Variants in PHF2 observed in about 807,000 individuals in gnomAD.
The protein encoded by PHF2 is lysine-specific demethylase PHF2.
In PHF2, 27 loss-of-function variants were observed where a neutral mutation model predicts 120.5. The observed-to-expected ratio is 0.22, with a 90% CI of 0.17 to 0.31. PHF2 has a LOEUF of 0.31. PHF2 is among the 10% of genes least tolerant of loss of function. PHF2 has a pLI of 1.00. For missense variants in PHF2, 1,024 were observed against 1,434.8 expected (o/e 0.71, Z 4.63); for synonymous variants, 568 against 592.5 (o/e 0.96, Z 0.60).
At chr9:93,645,453 G>T (rs765666553) in intron 3 of PHF2, among the ~76,000 whole-genome samples, 176 bp from the exon 4 acceptor site, 9 of 152,242 alleles carry the variant, frequency 5.9e-5, no homozygotes, top group African/African-American at 1.2e-4. Flanking sequence ...CACGGCATCT[G>T]CCCTGGCTGC....
rs147153751 is a variant in PHF2 at position 93,619,486 on chromosome 9, G to A, written c.99-10484G>A. Among the ~76,000 whole-genome samples the A allele has an allele frequency of 2.1e-3, 313 of 152,350 alleles. 2 individuals are homozygous for A. The highest frequency in any genetic ancestry group is 3.6e-3 in the Non-Finnish European group (242 of 68,028). On this transcript the variant is annotated intron_variant, in intron 1 of 21. Transcript: ENST00000359246. ...AGGGTGGAGGCCAAGAAGGCGACTCGTGGGGTGGTGGATGCGGGCCTTCAC... is the reference window on the plus strand; with the variant it reads ...AGGGTGGAGGCCAAGAAGGCGACTCATGGGGTGGTGGATGCGGGCCTTCAC...
chr9:93,582,673 G>A (rs1319327707), intron 1 of PHF2, among the ~76,000 whole-genome samples: 1 of 152,150 alleles, frequency 6.6e-6, no homozygotes, highest in Non-Finnish European at 1.5e-5. Context: ...ACTCACAGAA[G>A]AACATATGAA....
intron 1 of PHF2, among the ~76,000 whole-genome samples, chr9:93,614,122 A>G (rs1233260767): frequency 4.6e-5 from 7 of 152,358 alleles, no homozygotes; most frequent in Admixed American, 2.6e-4. Context: ...ACCTTAGACC[A>G]TGGCCACCTC....
intron 1 of PHF2, among the ~76,000 whole-genome samples, chr9:93,624,233 C>G (rs73522245): frequency 6.6e-6 from 1 of 152,086 alleles, no homozygotes; most frequent in Non-Finnish European, 1.5e-5. Context: ...GAGTGCTCAG[C>G]CAGAGTTAGT....
chr9:93,592,276 G>A (rs1451674361), intron 1 of PHF2, among the ~76,000 whole-genome samples: 1 of 152,148 alleles, frequency 6.6e-6, no homozygotes, highest in Non-Finnish European at 1.5e-5. Flanking sequence ...TGCAGGGGCT[G>A]CTGGTCCCCA....
At chr9:93,625,686 C>G (rs978839323) in intron 1 of PHF2, among the ~76,000 whole-genome samples, 1 of 151,576 alleles carries the variant, frequency 6.6e-6, no homozygotes, top group African/African-American at 2.4e-5. Context: ...CCATGTTGGT[C>G]AGGCTGGTCT....
intron 1 of PHF2, among the ~76,000 whole-genome samples, chr9:93,600,749 C>T (rs1464190423): frequency 6.6e-6 from 1 of 152,228 alleles, no homozygotes; most frequent in Non-Finnish European, 1.5e-5. Flanking sequence ...AGCAGCCACA[C>T]CCAGACCCTG....
intron 1 of PHF2, among the ~76,000 whole-genome samples, chr9:93,587,366 GTGAGGGACGGAGGAGCCTCAGA>G (rs1428209983): frequency 4.0e-5 from 6 of 150,528 alleles, no homozygotes; most frequent in Admixed American, 6.6e-5. Context: ...AGAGCCCTGG[GTGAGGGACGGAGGAGCCTCAGA>G]TGAGGGACGG....
chr9:93,584,573 G>A (rs1862999872), intron 1 of PHF2, among the ~76,000 whole-genome samples: 1 of 152,172 alleles, frequency 6.6e-6, no homozygotes, highest in African/African-American at 2.4e-5. Context: ...TTTATTTCTG[G>A]ACTCTCAGTT....
chr9:93,641,440 T>C (rs1826171176), intron 3 of PHF2, among the ~76,000 whole-genome samples: 1 of 152,226 alleles, frequency 6.6e-6, no homozygotes, highest in Non-Finnish European at 1.5e-5. Context: ...TATGATTTTC[T>C]GTCTCCTCAG....
intron 10 of PHF2, among the ~76,000 whole-genome samples, chr9:93,658,707 C>T (rs968539493): frequency 3.9e-5 from 6 of 151,992 alleles, no homozygotes; most frequent in African/African-American, 7.3e-5. Flanking sequence ...GACACCCTGT[C>T]GGCTCCTCCT....
At chr9:93,595,929 G>A (rs954717641) in intron 1 of PHF2, among the ~76,000 whole-genome samples, 1 of 152,200 alleles carries the variant, frequency 6.6e-6, no homozygotes, top group African/African-American at 2.4e-5. Flanking sequence ...TGGTGATACT[G>A]TACTCTTTCA....
chr9:93,601,751 C>T (rs1344082393), intron 1 of PHF2, among the ~76,000 whole-genome samples: 1 of 152,086 alleles, frequency 6.6e-6, no homozygotes, highest in Non-Finnish European at 1.5e-5. Context: ...TGTTTAGGCA[C>T]CCCTGTCCCT....
chr9:93,672,938 G>A (rs1826835021), intron 17 of PHF2, among the ~76,000 whole-genome samples: 1 of 151,742 alleles, frequency 6.6e-6, no homozygotes, highest in Non-Finnish European at 1.5e-5. Context: ...AGGTACAGGT[G>A]TAGATGCACG....
rs1011774438 is a variant in PHF2 at position 93,677,504 on chromosome 9, G to A, written c.3203-84G>A. The A allele has an allele frequency of 1.3e-5, 13 of 989,146 alleles. No homozygotes were observed. The highest frequency in any genetic ancestry group is 1.9e-5 in the Non-Finnish European group (12 of 628,584). 61.3% of individuals were successfully genotyped at this position (989,146 alleles called of 1,614,324 possible). On this transcript the variant is annotated intron_variant, in intron 21 of 21. Transcript: ENST00000359246. This position sits in a 1 kb window ranked among gnomAD's most constrained non-coding sequence, Gnocchi z 4.4. ...CTGCAGGCTGCCCCTTAGTGTCAGC[G>A]GGACCCTCCCCCCCACCGGCATGCC...
chr9:93,645,767 C>A lies in PHF2; in HGVS notation c.438C>A (p.Val146=). The A allele has an allele frequency of 6.2e-7, 1 of 1,603,506 alleles. No homozygotes were observed. The highest frequency in any genetic ancestry group is 8.5e-7 in the Non-Finnish European group (1 of 1,175,004). The change falls in exon 4 of 22, where the codon GTC becomes GTA. Residue 146 remains valine (V), a synonymous_variant. Transcript: ENST00000359246. The part of the protein sequence containing the change: ...GLAVPAPTFY[V]SDVENYVGPE... Reference sequence around the variant, plus strand: ...CTGTCCCGGCCCCCACGTTCTATGTCAGTGACGTCGAGAACTACGTGGGTA... The same window carrying A: ...CTGTCCCGGCCCCCACGTTCTATGTAAGTGACGTCGAGAACTACGTGGGTA...
intron 1 of PHF2, among the ~76,000 whole-genome samples, chr9:93,585,118 G>A (rs905270340): frequency 6.6e-6 from 1 of 152,240 alleles, no homozygotes. Context: ...TGCGCAGGGT[G>A]CTGCCCACCC....
chr9:93,576,806 G>A lies in PHF2; in HGVS notation c.33G>A (p.Arg11=), dbSNP rs1862826032. MATVPVYCVC[R]LPYDVTRFMI... ...CGGTGCCCGTGTACTGCGTCTGCCG[G>A]CTCCCCTACGACGTTACCCGCTTCA... Residue 11 remains arginine, a synonymous_variant, in exon 1 of 22, where the codon CGG becomes CGA. Coordinates refer to ENST00000359246, the MANE Select transcript of PHF2 (RefSeq NM_005392.4). The A allele has an allele frequency of 1.6e-6, 2 of 1,287,656 alleles. No individual in the cohort carries two copies. The highest frequency in any genetic ancestry group is 2.3e-4 in the Middle Eastern group (1 of 4,418). The allele number at this position is 1,287,656 out of a possible 1,614,324, so 79.8% of individuals were successfully genotyped here. A position where few individuals can be genotyped will look rare whatever the true frequency, so the allele number is the denominator to read the frequency against.
intron 1 of PHF2, among the ~76,000 whole-genome samples, chr9:93,580,152 C>A (rs904601406): frequency 6.6e-5 from 10 of 152,218 alleles, no homozygotes; most frequent in African/African-American, 2.4e-4. Flanking sequence ...CTCCTCCGGC[C>A]CCATCTTGAC....
Sources: allele counts gnomAD v4.1 joint callset (sites outside exome capture counted in the v4.1 genomes callset), GRCh38; gene constraint gnomAD v4.1.1; non-coding constraint Gnocchi (gnomAD v3.1); transcripts MANE v1.5; gene names NCBI Gene and HGNC (gene_info 2026-07-23, HGNC 2026-07-21).